The following IARS1 variants were observed in gnomAD, a reference collection of about 807,000 sequenced individuals.
IARS1 encodes isoleucine--tRNA ligase, cytoplasmic.
In IARS1, 124 loss-of-function variants were observed where a neutral mutation model predicts 168.2. That is an observed-to-expected ratio of 0.74 (90% confidence interval 0.64 to 0.86). The LOEUF (loss-of-function observed/expected upper bound fraction) is 0.86, where lower values mean the gene tolerates loss of function less well. Among genes scored for constraint, IARS1 ranks in the 40% least tolerant of loss-of-function variants. The probability of loss-of-function intolerance (pLI) is 0.00; values close to 1 mark genes in which losing one functional copy is unlikely to be tolerated. For synonymous variants in IARS1, 532 were observed against 529.4 expected, an observed-to-expected ratio of 1.00 and a Z score of -0.07; for missense variants, 1,452 against 1,515.8, an observed-to-expected ratio of 0.96 and a Z score of 0.70.
At chr9:92,233,746 T>A (rs962190914) in intron 30 of IARS1, among the ~76,000 whole-genome samples, 2 of 152,172 alleles carry the variant, frequency 1.3e-5, no homozygotes, top group African/African-American at 4.8e-5. Context: ...AGTCCCAACA[T>A]GTTTTATTAG....
chr9:92,224,499 A>ATG (rs1825326707), intron 31 of IARS1, among the ~76,000 whole-genome samples: 1 of 152,228 alleles, frequency 6.6e-6, no homozygotes, highest in Non-Finnish European at 1.5e-5. Context: ...GGCAAGAGGT[A>ATG]TGTGGACAGA....
intron 22 of IARS1, 22 bp downstream of exon 22, chr9:92,251,786 A>G: frequency 1.3e-6 from 2 of 1,597,194 alleles, no homozygotes. Flanking sequence ...AAAGGGTACT[A>G]GAAAGAAGCC....
At chr9:92,235,715 C>T (rs971973771) in intron 30 of IARS1, among the ~76,000 whole-genome samples, 14 of 151,778 alleles carry the variant, frequency 9.2e-5, no homozygotes, top group Non-Finnish European at 1.5e-4. Context: ...TTAGTAGAGA[C>T]AGGGTTTCAC....
chr9:92,230,978 C>G (rs1826584113), intron 30 of IARS1, among the ~76,000 whole-genome samples: 1 of 152,116 alleles, frequency 6.6e-6, no homozygotes, highest in Non-Finnish European at 1.5e-5. Context: ...TTTACGTATT[C>G]TAGATATGTC....
At chr9:92,278,866 A>G (rs1834127968) in intron 7 of IARS1, among the ~76,000 whole-genome samples, 1 of 152,184 alleles carries the variant, frequency 6.6e-6, no homozygotes, top group Non-Finnish European at 1.5e-5. Context: ...AGAGGTACGA[A>G]TTATTTCTAA....
intron 20 of IARS1, 29 bp from the exon 21 acceptor site, chr9:92,253,482 C>T: frequency 6.7e-7 from 1 of 1,491,446 alleles, no homozygotes; most frequent in Non-Finnish European, 9.4e-7. Flanking sequence ...AATCAGGCAG[C>T]AAGTGGGTTA....
chr9:92,253,429 G>A lies in IARS1; in HGVS notation c.2162C>T (p.Pro721Leu). The change falls in exon 21 of 34, where the codon CCT becomes CTT. Residue 721 changes from proline to leucine, a missense_variant. Pro to Leu is a moderately conservative substitution (Grantham distance 98). Coordinates refer to ENST00000443024, the MANE Select transcript of IARS1 (RefSeq NM_002161.6). ...AATATCTACAAACTTGACCAGGCGA[G>A]GCACCACAGTATAAAGCCTATAAGC... ...MAAYRLYTVVPRLVKFVDILT... is the reference protein window; with the variant it reads ...MAAYRLYTVVLRLVKFVDILT... 1.2e-6 allele frequency: 2 copies of A among 1,613,338 alleles called. No individual in the cohort carries two copies. Among genetic ancestry groups the A allele is most frequent in the Non-Finnish European group, 1.7e-6 (2 of 1,179,342 alleles).
chr9:92,219,419 G>A (rs1046430942), intron 33 of IARS1, among the ~76,000 whole-genome samples: 7 of 149,268 alleles, frequency 4.7e-5, no homozygotes, highest in African/African-American at 1.7e-4. Flanking sequence ...TTGACAAATG[G>A]GATCTAATTA....
At chr9:92,247,246 AAGGAC>A (rs1393021394) in intron 26 of IARS1, 126 bp downstream of exon 26, 2 of 696,282 alleles carry the variant, frequency 2.9e-6, no homozygotes, top group East Asian at 5.4e-5. Flanking sequence ...AAGGAAAGGA[AAGGAC>A]AGGACACGAC....
chr9:92,214,035 C>T (rs1422901123), intron 33 of IARS1, among the ~76,000 whole-genome samples: 2 of 151,898 alleles, frequency 1.3e-5, no homozygotes, highest in Admixed American at 1.3e-4. Context: ...ACTCTGCCCA[C>T]CTCAGCCTCC....
chr9:92,287,175 A>T (rs1835591269), intron 4 of IARS1, among the ~76,000 whole-genome samples: 1 of 152,240 alleles, frequency 6.6e-6, no homozygotes, highest in South Asian at 2.1e-4. Context: ...CCTAAATTAA[A>T]TCAGGAAACC....
chr9:92,227,152 CAGA>C (rs1453092640), intron 31 of IARS1, among the ~76,000 whole-genome samples: 1 of 137,802 alleles, frequency 7.3e-6, no homozygotes, highest in African/African-American at 2.8e-5. Flanking sequence ...GATCCCAAGG[CAGA>C]AGAATTTTTC....
chr9:92,274,780 A>G (rs532243796), intron 9 of IARS1, among the ~76,000 whole-genome samples: 1 of 152,312 alleles, frequency 6.6e-6, no homozygotes, highest in Admixed American at 6.5e-5. Flanking sequence ...CCTTGGTTAC[A>G]AACGTGTTTT....
intron 14 of IARS1, among the ~76,000 whole-genome samples, chr9:92,266,676 C>T (rs569934671): frequency 6.6e-6 from 1 of 151,962 alleles, no homozygotes; most frequent in South Asian, 2.1e-4. Flanking sequence ...TGAGTTAGTT[C>T]TCTCTCTATT....
At chr9:92,238,628 T>C (rs538589555) in intron 30 of IARS1, among the ~76,000 whole-genome samples, 1 of 152,310 alleles carries the variant, frequency 6.6e-6, no homozygotes, top group Non-Finnish European at 1.5e-5. Context: ...GGTATTCCTT[T>C]ATAGCAATGA....
chr9:92,220,895 T>C (rs961818206), intron 33 of IARS1, among the ~76,000 whole-genome samples: 3 of 151,970 alleles, frequency 2.0e-5, no homozygotes, highest in African/African-American at 7.3e-5. Flanking sequence ...TCCCAGGAGT[T>C]TGAGGCTGCA....
intron 5 of IARS1, 145 bp from the exon 6 acceptor site, chr9:92,285,984 A>G (rs922758679): frequency 1.2e-5 from 7 of 591,544 alleles, no homozygotes; most frequent in African/African-American, 5.6e-5. Flanking sequence ...CTGGTAAATT[A>G]TAACAGATCA....
chr9:92,226,476 CTGAAAA>C (rs1416202066), intron 31 of IARS1, among the ~76,000 whole-genome samples: 3 of 152,166 alleles, frequency 2.0e-5, no homozygotes, highest in African/African-American at 7.2e-5. Context: ...TTAAAAGTTT[CTGAAAA>C]TGAGCATTCA....
chr9:92,268,418 G>A (rs1587845789), intron 13 of IARS1, 118 bp from the exon 14 acceptor site: 1 of 945,480 alleles, frequency 1.1e-6, no homozygotes, highest in East Asian at 2.6e-5. Context: ...TGGAAACGTG[G>A]CGCTCACTGC....
Sources: gnomAD v4.1 joint callset for allele counts (sites outside exome capture counted in the v4.1 genomes callset) on GRCh38, gnomAD v4.1.1 for gene constraint, MANE v1.5 for transcripts, NCBI Gene and HGNC (gene_info 2026-07-23, HGNC 2026-07-21) for gene names.